Variants in COL4A3 observed in about 807,000 individuals in gnomAD.
COL4A3 encodes the protein collagen type IV alpha 3 chain.
COL4A3 carries 135 observed loss-of-function variants against 217.4 expected under a neutral mutation model. The observed-to-expected ratio is 0.62, with a 90% CI of 0.54 to 0.72. The LOEUF is 0.72. Ranked by LOEUF, COL4A3 falls within the 30% of genes least tolerant of loss-of-function variation. The pLI is 0.00. For synonymous variants in COL4A3, 690 were observed against 736.3 expected (o/e 0.94, Z 1.02); for missense variants, 1,868 against 2,119.9 (o/e 0.88, Z 2.33).
intron 1 of COL4A3, among the ~76,000 whole-genome samples, chr2:227,208,960 GAGAAAGAAGGA>G (rs1365856155): frequency 6.6e-6 from 1 of 152,148 alleles, no homozygotes; most frequent in African/African-American, 2.4e-5. Context: ...TAAATGGCAA[GAGAAAGAAGGA>G]AGAAAGAACA....
chr2:227,172,527 A>G (rs114078929), intron 1 of COL4A3, among the ~76,000 whole-genome samples: 8,252 of 144,842 alleles, frequency 0.057, 271 homozygotes, highest in Admixed American at 0.091. Flanking sequence ...CGTCTTTGTC[A>G]TCTTCTTTCT....
At chr2:227,283,510 G>A (rs1037587360) in intron 32 of COL4A3, among the ~76,000 whole-genome samples, 1 of 152,196 alleles carries the variant, frequency 6.6e-6, no homozygotes, top group Admixed American at 6.5e-5. Context: ...CTGGGAGGAT[G>A]GAATGCTCCA....
chr2:227,259,227 A>G (rs1191343252), intron 18 of COL4A3: 1 of 152,406 alleles, frequency 6.6e-6, no homozygotes, highest in Non-Finnish European at 1.5e-5. Context: ...CACCAGCAGT[A>G]GGTCCACTGA....
At chr2:227,284,161 T>C (rs746394149) in intron 33 of COL4A3, 50 bp from the exon 34 acceptor site, 2 of 1,613,126 alleles carry the variant, frequency 1.2e-6, no homozygotes, top group Admixed American at 1.7e-5. Flanking sequence ...TTAATCCCTA[T>C]GAACTACCTG....
intron 1 of COL4A3, among the ~76,000 whole-genome samples, chr2:227,233,835 G>A (rs2068542527): frequency 6.6e-6 from 1 of 152,084 alleles, no homozygotes; most frequent in African/African-American, 2.4e-5. Context: ...ACCCAGGCGG[G>A]TCCTATGGAT....
At position 227,289,978 on chromosome 2, in the gene COL4A3, A is replaced by T. The variant is rs1220947474; in HGVS notation, c.2981-21A>T. The T allele has an allele frequency of 2.5e-6, 4 of 1,609,324 alleles. No homozygotes were observed. In the East Asian group the frequency reaches 8.9e-5, roughly 36 times the overall value. On this transcript the variant is annotated intron_variant, in intron 35 of 51. Coordinates refer to ENST00000396578, the MANE Select transcript of COL4A3 (RefSeq NM_000091.5). ...ATGTCCAGGAACTGTGCAGGGCAAT[A>T]ACTACTTATTTGTTCTCAAGGCCCC...
intron 20 of COL4A3, 29 bp downstream of exon 20, chr2:227,261,146 A>G (rs2070537454): frequency 6.3e-7 from 1 of 1,590,008 alleles, no homozygotes; most frequent in Non-Finnish European, 8.6e-7. Flanking sequence ...GGGTACAAAT[A>G]GAAATGCTAT....
chr2:227,229,424 T>C (rs80247122), intron 1 of COL4A3, among the ~76,000 whole-genome samples: 7,066 of 152,342 alleles, frequency 0.046, 322 homozygotes, highest in Admixed American at 0.11. Flanking sequence ...AGTTAATTCA[T>C]TTATTGTTTG....
Position 227,308,988 on chromosome 2 carries a change from GATTATTC to G in COL4A3, c.4555_4561del (p.Tyr1519ThrfsTer8). 1 of 1,614,154 alleles carries G rather than the reference GATTATTC, an allele frequency of 6.2e-7. No individual in the cohort carries two copies. Among genetic ancestry groups the G allele is most frequent in the Non-Finnish European group, 8.5e-7 (1 of 1,180,020 alleles). The stretch of plus-strand genomic sequence containing the variant: ...TGTATGTAATTTTGCATCTCGAAAT[GATTATTC>G]ATACTGGCTGTCAACACCAGCTCTG... On this transcript the variant is annotated frameshift_variant, in exon 49 of 52. Transcript: ENST00000396578. LOFTEE classifies it high-confidence loss of function.
chr2:227,248,766 C>A (rs1016867602), intron 9 of COL4A3, among the ~76,000 whole-genome samples: 1 of 152,048 alleles, frequency 6.6e-6, no homozygotes, highest in East Asian at 1.9e-4. Flanking sequence ...TGTTTTTCGT[C>A]CTCTTCTTCA....
chr2:227,169,631 A>C (rs992067087), intron 1 of COL4A3, among the ~76,000 whole-genome samples: 1 of 152,112 alleles, frequency 6.6e-6, no homozygotes, highest in Non-Finnish European at 1.5e-5. Context: ...TCGCATTTCT[A>C]TGATAGCCAG....
chr2:227,212,497 A>G (rs2125793076), intron 1 of COL4A3, among the ~76,000 whole-genome samples: 1 of 152,298 alleles, frequency 6.6e-6, no homozygotes, highest in South Asian at 2.1e-4. Context: ...TGACCAATGC[A>G]CTCAGCCTCT....
At chr2:227,307,347 G>A (rs1003239051) in intron 47 of COL4A3, among the ~76,000 whole-genome samples, 1 of 152,156 alleles carries the variant, frequency 6.6e-6, no homozygotes, top group African/African-American at 2.4e-5. Context: ...CTAAGTTGTA[G>A]ATATTTGATT....
In COL4A3 at chr2:227,309,336, A is replaced by G. The variant is rs553695911; in HGVS notation, c.4755+18A>G. 150 of 1,586,654 alleles carry G rather than the reference A, an allele frequency of 9.5e-5. 1 individual carries two copies. In the East Asian group the frequency reaches 2.9e-3, roughly 30 times the overall value. On this transcript the variant is annotated intron_variant, in intron 50 of 51. Transcript: ENST00000396578. Reference sequence around the variant, plus strand: ...TCATCATGGTGAGGAGAAAAGGAACAGGAGGTTTAGGGTAAAGACTACCTG... The same window carrying G: ...TCATCATGGTGAGGAGAAAAGGAACGGGAGGTTTAGGGTAAAGACTACCTG...
chr2:227,198,800 C>T (rs989099371), intron 1 of COL4A3, among the ~76,000 whole-genome samples: 3 of 152,062 alleles, frequency 2.0e-5, no homozygotes, highest in Non-Finnish European at 4.4e-5. Flanking sequence ...ATGAAAAATC[C>T]TCTTTTATTT....
chr2:227,273,164 A>G, intron 26 of COL4A3, 47 bp downstream of exon 26: 1 of 1,603,674 alleles, frequency 6.2e-7, no homozygotes, highest in Non-Finnish European at 8.5e-7. Context: ...GAGTGGGTTG[A>G]TGGTTTCTAG....
chr2:227,234,054 A>G (rs968182507), intron 1 of COL4A3, among the ~76,000 whole-genome samples: 1 of 152,166 alleles, frequency 6.6e-6, no homozygotes, highest in African/African-American at 2.4e-5. Flanking sequence ...TTGATTTCTT[A>G]GTTTTGGGGA....
At chr2:227,165,125 T>C (rs550581207) in intron 1 of COL4A3, among the ~76,000 whole-genome samples, 1 of 151,856 alleles carries the variant, frequency 6.6e-6, no homozygotes, top group African/African-American at 2.4e-5. Context: ...ACATAGATAA[T>C]CGCCAGGGAT....
chr2:227,293,355 T>C (rs866326169), intron 38 of COL4A3, 38 bp downstream of exon 38: 1 of 1,610,688 alleles, frequency 6.2e-7, no homozygotes, highest in Middle Eastern at 1.7e-4. Context: ...GCTGGAAGCA[T>C]TACTCAGAGT....
Sources: allele counts gnomAD v4.1 joint callset (sites outside exome capture counted in the v4.1 genomes callset), GRCh38; gene constraint gnomAD v4.1.1; transcripts MANE v1.5; gene names NCBI Gene and HGNC (gene_info 2026-07-23, HGNC 2026-07-21).